The following PTCHD4 variants were observed in gnomAD, a reference collection of about 807,000 sequenced individuals.
The protein encoded by PTCHD4 is patched domain containing 4.
In PTCHD4, 33 loss-of-function variants were observed where a neutral mutation model predicts 58.1. That is an observed-to-expected ratio of 0.57 (90% CI 0.43 to 0.76). The LOEUF (loss-of-function observed/expected upper bound fraction) is 0.76. Among genes scored for constraint, PTCHD4 ranks in the 30% least tolerant of loss-of-function variants. The pLI is 0.00. For synonymous variants in PTCHD4, 478 were observed against 409.6 expected (o/e 1.17, Z -2.02); for missense variants, 1,058 against 1,027.1 (o/e 1.03, Z -0.41).
At position 47,888,355 on chromosome 6, in the gene PTCHD4, C is replaced by A. The variant is rs145265201; in HGVS notation, c.899-8419G>T. Among the ~76,000 whole-genome samples the A allele has an allele frequency of 6.7e-5, 10 of 150,174 alleles. No individual in the cohort carries two copies. In the East Asian group the frequency reaches 2.0e-3, roughly 29 times the overall value. ...CTGGGCGACAGCGCGAGACTCAGTC[C>A]CCAAAAAAAAGAGTAGATGGGAAAA... On this transcript the variant is annotated intron_variant, in intron 4 of 4. Coordinates refer to ENST00000339488, the MANE Select transcript of PTCHD4 (RefSeq NM_001384253.1).
intron 1 of PTCHD4, among the ~76,000 whole-genome samples, chr6:48,098,659 T>C (rs1271883395): frequency 2.0e-5 from 3 of 152,124 alleles, no homozygotes; most frequent in African/African-American, 7.2e-5. Context: ...GATTATGAAA[T>C]TGATGTTTTT....
chr6:48,091,383 T>C (rs1480409548), intron 1 of PTCHD4, among the ~76,000 whole-genome samples: 2 of 151,988 alleles, frequency 1.3e-5, no homozygotes, highest in African/African-American at 4.8e-5. Context: ...CATGGGAGCT[T>C]GTTAGATAGA....
intron 4 of PTCHD4, among the ~76,000 whole-genome samples, chr6:47,944,190 A>G (rs1766335524): frequency 6.6e-6 from 1 of 152,140 alleles, no homozygotes. Flanking sequence ...GAGCAAACAC[A>G]CTGCACAATG....
At chr6:48,067,339 GCTGA>G (rs1764834602) in intron 3 of PTCHD4, among the ~76,000 whole-genome samples, 1 of 152,112 alleles carries the variant, frequency 6.6e-6, no homozygotes, top group African/African-American at 2.4e-5. Context: ...TGTAAATTTT[GCTGA>G]CTGTGATTTT....
chr6:47,942,121 A>G (rs1194928969), intron 4 of PTCHD4, among the ~76,000 whole-genome samples: 5 of 152,202 alleles, frequency 3.3e-5, no homozygotes, highest in Admixed American at 3.3e-4. Context: ...TTAACTCTGA[A>G]TGATTTAGGG....
chr6:48,085,925 A>T lies in PTCHD4; in HGVS notation c.-969-15999T>A, dbSNP rs190794045. ...TTGCTTAAAAAACAAACTTTTTTTC[A>T]TCTAATTTGACAATGAAAGAATCCA... On this transcript the variant is annotated intron_variant, in intron 1 of 4. Transcript: ENST00000339488. 2.0e-3 allele frequency among the ~76,000 whole-genome samples: 298 copies of T among 152,142 alleles called. 1 individual carries two copies. The highest frequency in any genetic ancestry group is 3.4e-3 in the Non-Finnish European group (232 of 67,982).
At chr6:48,040,140 T>C (rs1254445805) in intron 3 of PTCHD4, among the ~76,000 whole-genome samples, 4 of 152,120 alleles carry the variant, frequency 2.6e-5, no homozygotes, top group African/African-American at 9.7e-5. Context: ...ATTCTTAGTT[T>C]AGGTACATGC....
At chr6:47,985,936 C>T (rs1195927080) in intron 4 of PTCHD4, among the ~76,000 whole-genome samples, 1 of 151,600 alleles carries the variant, frequency 6.6e-6, no homozygotes, top group African/African-American at 2.4e-5. Context: ...AAATTTCAGC[C>T]TATATTGAAC....
rs1418816982 is a variant in PTCHD4 at position 47,858,527 on chromosome 6, T to C, written c.*19776A>G. ...GACTTTGCACATGCTGAAACCTATGTGGTATAATTAATAAAGCATTTTTTA... is the reference window on the plus strand; with the variant it reads ...GACTTTGCACATGCTGAAACCTATGCGGTATAATTAATAAAGCATTTTTTA... On this transcript the variant is annotated 3_prime_UTR_variant, in exon 5 of 5. Coordinates refer to ENST00000339488, the MANE Select transcript of PTCHD4 (RefSeq NM_001384253.1). Among the ~76,000 whole-genome samples the C allele has an allele frequency of 6.6e-6, 1 of 152,038 alleles. No homozygotes were observed. Among genetic ancestry groups the C allele is most frequent in the Non-Finnish European group, 1.5e-5 (1 of 67,986 alleles).
chr6:47,964,026 T>C (rs1270077286), intron 4 of PTCHD4, among the ~76,000 whole-genome samples: 1 of 152,096 alleles, frequency 6.6e-6, no homozygotes, highest in African/African-American at 2.4e-5. Flanking sequence ...AGGATAATAC[T>C]GTTGCATGAG....
chr6:48,103,449 C>T (rs1765650545), intron 1 of PTCHD4, among the ~76,000 whole-genome samples: 1 of 152,172 alleles, frequency 6.6e-6, no homozygotes, highest in Non-Finnish European at 1.5e-5. Flanking sequence ...AAAAATCCAT[C>T]TGTACGTCAC....
intron 4 of PTCHD4, among the ~76,000 whole-genome samples, chr6:47,948,820 G>A (rs1008603742): frequency 1.3e-5 from 2 of 152,074 alleles, no homozygotes; most frequent in African/African-American, 4.8e-5. Context: ...GTCTTGCTTA[G>A]TCCTAGAACT....
At chr6:48,087,245 G>C (rs1025891368) in intron 1 of PTCHD4, among the ~76,000 whole-genome samples, 1 of 152,010 alleles carries the variant, frequency 6.6e-6, no homozygotes, top group Non-Finnish European at 1.5e-5. Context: ...TTTCTCCTCT[G>C]GTCTGTCCAG....
At chr6:48,077,231 G>C (rs1317053351) in intron 1 of PTCHD4, among the ~76,000 whole-genome samples, 1 of 152,166 alleles carries the variant, frequency 6.6e-6, no homozygotes, top group African/African-American at 2.4e-5. Context: ...ATTCTTAAGG[G>C]CCCTAGGATT....
intron 3 of PTCHD4, among the ~76,000 whole-genome samples, chr6:48,030,618 TC>T (rs1763399514): frequency 6.6e-6 from 1 of 152,092 alleles, no homozygotes; most frequent in Non-Finnish European, 1.5e-5. Context: ...CTCAGAACAT[TC>T]ACCAGAATAC....
At chr6:48,017,214 G>A (rs1225705938) in intron 3 of PTCHD4, among the ~76,000 whole-genome samples, 1 of 151,842 alleles carries the variant, frequency 6.6e-6, no homozygotes, top group African/African-American at 2.4e-5. Flanking sequence ...GAAAATATTG[G>A]TTATCTTTAT....
chr6:48,027,818 C>T (rs1274969313), intron 3 of PTCHD4, among the ~76,000 whole-genome samples: 1 of 152,038 alleles, frequency 6.6e-6, no homozygotes, highest in Non-Finnish European at 1.5e-5. Flanking sequence ...AAAGACAATT[C>T]ACAACTGTCT....
intron 3 of PTCHD4, among the ~76,000 whole-genome samples, chr6:48,022,361 A>T (rs763857650): frequency 6.6e-6 from 1 of 152,026 alleles, no homozygotes; most frequent in African/African-American, 2.4e-5. Flanking sequence ...ACACTTGCTT[A>T]AGTCCATTTT....
chr6:47,994,597 A>G (rs1768408093), intron 4 of PTCHD4, among the ~76,000 whole-genome samples: 1 of 152,254 alleles, frequency 6.6e-6, no homozygotes, highest in Non-Finnish European at 1.5e-5. Flanking sequence ...GTAGATCACA[A>G]GTAAGAGGTG....
Sources: allele counts gnomAD v4.1 joint callset (sites outside exome capture counted in the v4.1 genomes callset), GRCh38; gene constraint gnomAD v4.1.1; transcripts MANE v1.5; gene names NCBI Gene and HGNC (gene_info 2026-07-23, HGNC 2026-07-21).